PECR: variants seen among roughly 807,000 people sequenced by gnomAD.
The protein encoded by PECR is 2,4-dienoyl-CoA reductase-related protein.
In PECR, 30 loss-of-function variants were observed where a neutral mutation model predicts 35.3. The observed-to-expected ratio is 0.85, with a 90% CI of 0.64 to 1.15. The LOEUF is 1.15. Among genes scored for constraint, PECR ranks in the 50% most tolerant of loss-of-function variants. The pLI is 0.00. For missense variants in PECR, 392 were observed against 370.8 expected, an observed-to-expected ratio of 1.06 and a Z score of -0.47; for synonymous variants, 148 against 138.9, an observed-to-expected ratio of 1.07 and a Z score of -0.46.
intron 1 of PECR, among the ~76,000 whole-genome samples, chr2:216,069,645 G>A (rs533422777): frequency 6.6e-6 from 1 of 152,196 alleles, no homozygotes; most frequent in African/African-American, 2.4e-5. Context: ...TCAGATTAAA[G>A]ACACTTTTGG....
Position 216,044,009 on chromosome 2 carries a change from A to G in PECR, c.721T>C (p.Ser241Pro). 6.3e-7 allele frequency: 1 copy of G among 1,583,912 alleles called. No individual in the cohort carries two copies. Among genetic ancestry groups the G allele is most frequent in the Non-Finnish European group, 8.7e-7 (1 of 1,152,442 alleles). ...KRIGVPEEVSSVVCFLLSPAA... is the reference protein window; with the variant it reads ...KRIGVPEEVSPVVCFLLSPAA... ...GGAGACAGTAGGAAGCAGACCACAG[A>G]GGAGACCTGGAAACAGAAACACACA... is the stretch of plus-strand genomic sequence containing the variant. The change falls in exon 7 of 8, where the codon TCT (serine) becomes CCT (proline). Residue 241 changes from serine (S) to proline (P), a missense_variant. Coordinates refer to ENST00000265322, the MANE Select transcript of PECR (RefSeq NM_018441.6).
chr2:216,068,744 C>T (rs1418117195), intron 1 of PECR, among the ~76,000 whole-genome samples: 4 of 151,100 alleles, frequency 2.6e-5, no homozygotes, highest in African/African-American at 9.7e-5. Flanking sequence ...ATCCACTGAT[C>T]CTCCCACCCC....
chr2:216,078,458 C>T (rs1695757506), intron 1 of PECR, among the ~76,000 whole-genome samples: 1 of 151,830 alleles, frequency 6.6e-6, no homozygotes, highest in Non-Finnish European at 1.5e-5. Context: ...TGGTAAAACC[C>T]CGTCTCTATT....
intron 4 of PECR, among the ~76,000 whole-genome samples, chr2:216,055,171 C>T (rs2105953720): frequency 6.6e-6 from 1 of 151,480 alleles, no homozygotes; most frequent in African/African-American, 2.4e-5. Flanking sequence ...GGCACAGTGG[C>T]TCACGCCTGT....
intron 5 of PECR, among the ~76,000 whole-genome samples, 180 bp downstream of exon 5, chr2:216,051,269 G>C (rs1228721780): frequency 1.8e-5 from 2 of 108,644 alleles, no homozygotes; most frequent in Admixed American, 2.6e-4. Flanking sequence ...CTGGGCGACA[G>C]AGACTCCATC....
At chr2:216,075,105 T>C (rs1181979250) in intron 1 of PECR, among the ~76,000 whole-genome samples, 1 of 152,096 alleles carries the variant, frequency 6.6e-6, no homozygotes, top group Non-Finnish European at 1.5e-5. Flanking sequence ...ACCTTGTCTC[T>C]AAAAAAATTT....
At chr2:216,069,601 G>A (rs1264906420) in intron 1 of PECR, among the ~76,000 whole-genome samples, 1 of 152,062 alleles carries the variant, frequency 6.6e-6, no homozygotes, top group Non-Finnish European at 1.5e-5. Context: ...AGAAGATGAA[G>A]ATATCCCAGA....
At chr2:216,066,857 G>A (rs1188716419) in intron 1 of PECR, among the ~76,000 whole-genome samples, 2 of 152,188 alleles carry the variant, frequency 1.3e-5, no homozygotes, top group South Asian at 2.1e-4. Flanking sequence ...CTGGCCATGC[G>A]TGTTCCTATG....
At chr2:216,061,147 A>G (rs1357267945) in intron 3 of PECR, among the ~76,000 whole-genome samples, 1 of 148,798 alleles carries the variant, frequency 6.7e-6, no homozygotes, top group East Asian at 2.0e-4. Flanking sequence ...AAAAAAAAAA[A>G]AAAAAAAAAT....
At chr2:216,057,520 C>A (rs1157399942) in intron 4 of PECR, among the ~76,000 whole-genome samples, 1 of 152,072 alleles carries the variant, frequency 6.6e-6, no homozygotes, top group Non-Finnish European at 1.5e-5. Flanking sequence ...ACACTAGTTG[C>A]CTGTGAGGAT....
At chr2:216,055,146 A>T (rs543954337) in intron 4 of PECR, among the ~76,000 whole-genome samples, 57 of 151,340 alleles carry the variant, frequency 3.8e-4, no homozygotes, top group African/African-American at 1.3e-3. Context: ...TAATGTAAAA[A>T]CAACTTGTAG....
rs146852860 is a variant in PECR at position 216,039,807 on chromosome 2, C to G, written c.827-447G>C. On this transcript the variant is annotated intron_variant, in intron 7 of 7. Coordinates refer to ENST00000265322, the MANE Select transcript of PECR (RefSeq NM_018441.6). ...TTTCCAACAGCTTGTTTCCATTTAA[C>G]GATCTAGAAGGTGCCAGGGAAGCTT... is the stretch of plus-strand genomic sequence containing the variant. Among the ~76,000 whole-genome samples, 438 of 152,300 alleles carry G rather than the reference C, an allele frequency of 2.9e-3. 4 individuals carry two copies. Among genetic ancestry groups the G allele is most frequent in the African/African-American group, 0.01 (424 of 41,558 alleles).
Position 216,066,406 on chromosome 2 carries a change from G to A in PECR, c.237C>T (p.Cys79=). The A allele has an allele frequency of 6.2e-7, 1 of 1,612,890 alleles. No individual in the cohort carries two copies. Among genetic ancestry groups the A allele is most frequent in the Non-Finnish European group, 8.5e-7 (1 of 1,178,836 alleles). Residue 79 remains cysteine, a synonymous_variant, in exon 2 of 8, where the codon TGC becomes TGT. Coordinates refer to ENST00000265322, the MANE Select transcript of PECR (RefSeq NM_018441.6). The stretch of plus-strand genomic sequence containing the variant: ...TTACCTCCTCCTCATTCCGGATGTT[G>A]CATTGTATGGGAATGACTCGTGCCT... The part of the protein sequence containing the change: ...TKQARVIPIQ[C]NIRNEEEVNN...
At chr2:216,043,811 C>G (rs1694941493) in intron 7 of PECR, 93 bp downstream of exon 7, 2 of 716,354 alleles carry the variant, frequency 2.8e-6, no homozygotes, top group South Asian at 3.0e-5. Flanking sequence ...AAGAGAGCAC[C>G]CTCATCTCTT....
chr2:216,079,517 G>A lies in PECR; in HGVS notation c.124+2101C>T, dbSNP rs1484171734. ...TGAGTAGCTGGGATTACAGGCACAC[G>A]CCACCATGCCTGGCTAATTTTTGTA... On this transcript the variant is annotated intron_variant, in intron 1 of 7. Coordinates refer to ENST00000265322, the MANE Select transcript of PECR (RefSeq NM_018441.6). 2.6e-5 allele frequency among the ~76,000 whole-genome samples: 4 copies of A among 151,460 alleles called. No individual in the cohort carries two copies. In the East Asian group the frequency reaches 7.9e-4, roughly 30 times the overall value.
intron 4 of PECR, 61 bp from the exon 5 acceptor site, chr2:216,051,606 C>G: frequency 9.5e-7 from 1 of 1,048,434 alleles, no homozygotes; most frequent in Non-Finnish European, 1.5e-6. Context: ...TCTTGTTCAT[C>G]AAGCTCACAA....
At chr2:216,057,346 C>A (rs905240240) in intron 4 of PECR, among the ~76,000 whole-genome samples, 1 of 152,078 alleles carries the variant, frequency 6.6e-6, no homozygotes, top group Non-Finnish European at 1.5e-5. Flanking sequence ...ATAAAAGTGG[C>A]ATATTAGCCA....
chr2:216,041,605 T>C (rs1694888319), intron 7 of PECR, among the ~76,000 whole-genome samples: 1 of 152,232 alleles, frequency 6.6e-6, no homozygotes, highest in Non-Finnish European at 1.5e-5. Context: ...TGTGTTCTTA[T>C]ATGTTAATGA....
chr2:216,062,651 A>C (rs1695378953), intron 3 of PECR, among the ~76,000 whole-genome samples: 1 of 152,220 alleles, frequency 6.6e-6, no homozygotes, highest in Non-Finnish European at 1.5e-5. Flanking sequence ...TCATATTAGA[A>C]AAAGTAGAAA....
Sources: gnomAD v4.1 joint callset for allele counts (sites outside exome capture counted in the v4.1 genomes callset) on GRCh38, gnomAD v4.1.1 for gene constraint, MANE v1.5 for transcripts, NCBI Gene and HGNC (gene_info 2026-07-23, HGNC 2026-07-21) for gene names.